Variants in NDUFS4 observed in about 807,000 individuals in gnomAD.
NDUFS4 encodes NADH:ubiquinone oxidoreductase subunit S4.
Under a neutral mutation model 24.3 loss-of-function variants are expected in NDUFS4, and 28 were observed. The observed-to-expected ratio is 1.15, with a 90% CI of 0.85 to 1.58. The LOEUF (loss-of-function observed/expected upper bound fraction) is 1.58. Ranked by LOEUF, NDUFS4 falls within the 40% of genes most tolerant of loss-of-function variation. The probability of loss-of-function intolerance (pLI) is 0.00; values close to 1 mark genes in which losing one functional copy is unlikely to be tolerated. For missense variants in NDUFS4, 223 were observed against 207.9 expected (o/e 1.07, Z -0.45); for synonymous variants, 93 against 69.7 (o/e 1.34, Z -1.67).
intron 1 of NDUFS4, among the ~76,000 whole-genome samples, chr5:53,577,948 A>G (rs1274582447): frequency 1.3e-5 from 2 of 152,062 alleles, no homozygotes; most frequent in East Asian, 3.9e-4. Context: ...ATGAGCATGT[A>G]TTTTCTCTTC....
chr5:53,605,413 T>C (rs1750467970), intron 2 of NDUFS4, among the ~76,000 whole-genome samples: 2 of 152,324 alleles, frequency 1.3e-5, no homozygotes, highest in Admixed American at 6.5e-5. Flanking sequence ...TTCTAAGTTC[T>C]CTTCTTTCTA....
In NDUFS4 at chr5:53,656,152, TTGGATC is replaced by T. The variant is rs1483253251; in HGVS notation, c.351-2397_351-2392del. On this transcript the variant is annotated intron_variant, in intron 3 of 4. Coordinates refer to ENST00000296684, the MANE Select transcript of NDUFS4 (RefSeq NM_002495.4). ...ACCTTATGGGAAACACCGTATAAAG[TTGGATC>T]TAAATCCAACTTTAGATTGGTTCCT... Among the ~76,000 whole-genome samples, 16 of 152,006 alleles carry T rather than the reference TTGGATC, an allele frequency of 1.1e-4. 1 individual carries two copies. The highest frequency in any genetic ancestry group is 3.9e-4 in the African/African-American group (16 of 41,396).
chr5:53,634,850 C>T (rs1579902180), intron 2 of NDUFS4, among the ~76,000 whole-genome samples: 1 of 151,920 alleles, frequency 6.6e-6, no homozygotes, highest in East Asian at 1.9e-4. Flanking sequence ...TTCTGAAAAG[C>T]TGCCAGGTAT....
At chr5:53,641,919 G>A (rs72753656) in intron 2 of NDUFS4, among the ~76,000 whole-genome samples, 14,044 of 151,996 alleles carry the variant, frequency 0.092, 773 homozygotes, top group Non-Finnish European at 0.13. Context: ...AATAGTCTGC[G>A]GTAGAACAAG....
rs150855132 is a variant in NDUFS4, at chr5:53,610,997, C to T, written c.177+7467C>T. On this transcript the variant is annotated intron_variant, in intron 2 of 4. Transcript: ENST00000296684. ...TCTCTTTTGTGTGCTGTTATCAAGT[C>T]GTGTTTCTTTTCATCCATCTTTAGT... Among the ~76,000 whole-genome samples, 22 of 152,096 alleles carry T rather than the reference C, an allele frequency of 1.4e-4. No individual in the cohort carries two copies. The East Asian group carries it at 4.1e-3, about 28-fold the overall frequency.
chr5:53,682,993 A>G (rs1387061155), intron 4 of NDUFS4, 125 bp from the exon 5 acceptor site: 2 of 772,096 alleles, frequency 2.6e-6, no homozygotes, highest in South Asian at 1.4e-5. Context: ...AGATGTGTTG[A>G]CATATACTCT....
intron 1 of NDUFS4, among the ~76,000 whole-genome samples, chr5:53,582,355 A>G (rs1749597530): frequency 6.6e-6 from 1 of 152,244 alleles, no homozygotes; most frequent in African/African-American, 2.4e-5. Flanking sequence ...GGCCAGAGCC[A>G]GCCCTGATAG....
intron 2 of NDUFS4, among the ~76,000 whole-genome samples, chr5:53,637,641 T>C (rs1464188237): frequency 6.6e-6 from 1 of 152,142 alleles, no homozygotes; most frequent in Non-Finnish European, 1.5e-5. Flanking sequence ...AGAATTTCCT[T>C]AAATCTGGAA....
Position 53,646,333 on chromosome 5 carries a change from A to G in NDUFS4, c.278A>G (p.Asn93Ser), listed in dbSNP as rs147734327. ...AATAACATGCAGTCTGGAGTAAACA[A>G]CACAAAGAAATGGAAGATGGAGTTT... Reference protein sequence around the residue: ...ARNNMQSGVNNTKKWKMEFDT... With the variant: ...ARNNMQSGVNSTKKWKMEFDT... Residue 93 changes from asparagine (N) to serine (S), a missense_variant, in exon 3 of 5, where the codon AAC (asparagine) becomes AGC (serine). Asn to Ser is a conservative substitution (Grantham distance 46). Transcript: ENST00000296684. 6.3e-5 allele frequency: 101 copies of G among 1,613,800 alleles called. No individual in the cohort carries two copies. The highest frequency in any genetic ancestry group is 8.1e-5 in the Non-Finnish European group (95 of 1,179,866).
Position 53,574,076 on chromosome 5 carries a change from T to C in NDUFS4, c.98+13316T>C, listed in dbSNP as rs1356307483. 2.6e-5 allele frequency among the ~76,000 whole-genome samples: 4 copies of C among 152,352 alleles called. No individual in the cohort carries two copies. In the South Asian group the frequency reaches 8.3e-4, roughly 32 times the overall value. On this transcript the variant is annotated intron_variant, in intron 1 of 4. Coordinates refer to ENST00000296684, the MANE Select transcript of NDUFS4 (RefSeq NM_002495.4). ...CCGTGAATAGGGAAATTTTGTTTCTTCCTTTCCAATCACTAGGTCTTTTAT... is the reference window on the plus strand; with the variant it reads ...CCGTGAATAGGGAAATTTTGTTTCTCCCTTTCCAATCACTAGGTCTTTTAT...
intron 2 of NDUFS4, among the ~76,000 whole-genome samples, chr5:53,623,799 A>G (rs375759310): frequency 1.7e-4 from 26 of 151,148 alleles, no homozygotes; most frequent in African/African-American, 6.3e-4. Flanking sequence ...GCTCACTACA[A>G]CCTCTGCCTC....
At chr5:53,663,548 A>T (rs1442010033) in intron 4 of NDUFS4, among the ~76,000 whole-genome samples, 3 of 152,152 alleles carry the variant, frequency 2.0e-5, no homozygotes, top group African/African-American at 4.8e-5. Flanking sequence ...TAGGATAGTT[A>T]GCTCTTCTCA....
At chr5:53,677,525 C>T (rs1260922814) in intron 4 of NDUFS4, among the ~76,000 whole-genome samples, 1 of 151,880 alleles carries the variant, frequency 6.6e-6, no homozygotes, top group African/African-American at 2.4e-5. Flanking sequence ...TGTACCCCAC[C>T]CCCATATTAT....
chr5:53,570,397 T>C (rs559291419), intron 1 of NDUFS4, among the ~76,000 whole-genome samples: 5 of 152,328 alleles, frequency 3.3e-5, no homozygotes, highest in African/African-American at 9.6e-5. Context: ...TATGTGGAGG[T>C]ACCACAGTTT....
chr5:53,670,918 T>C (rs1387777127), intron 4 of NDUFS4, among the ~76,000 whole-genome samples: 6 of 151,330 alleles, frequency 4.0e-5, no homozygotes, highest in Non-Finnish European at 8.9e-5. Flanking sequence ...TATATAGATA[T>C]ATGGAATAGA....
chr5:53,676,965 G>C (rs1740492961), intron 4 of NDUFS4, among the ~76,000 whole-genome samples: 1 of 152,088 alleles, frequency 6.6e-6, no homozygotes, highest in Non-Finnish European at 1.5e-5. Context: ...GCTTACTGAC[G>C]TTCCTGGTAT....
At chr5:53,582,103 T>C (rs924714198) in intron 1 of NDUFS4, among the ~76,000 whole-genome samples, 30 of 151,926 alleles carry the variant, frequency 2.0e-4, no homozygotes, top group Non-Finnish European at 1.8e-4. Flanking sequence ...CCCAGCTACT[T>C]GGGAGGCTGA....
intron 1 of NDUFS4, among the ~76,000 whole-genome samples, chr5:53,589,240 G>A (rs184773300): frequency 6.6e-5 from 10 of 152,292 alleles, no homozygotes; most frequent in South Asian, 6.2e-4. Context: ...TTAAATTCTC[G>A]TATGGTAGTC....
At chr5:53,668,092 G>A (rs933980933) in intron 4 of NDUFS4, among the ~76,000 whole-genome samples, 2 of 151,924 alleles carry the variant, frequency 1.3e-5, no homozygotes, top group Non-Finnish European at 2.9e-5. Flanking sequence ...AGGAAGTTAG[G>A]GTAAAACTGC....
Sources: allele counts gnomAD v4.1 joint callset (sites outside exome capture counted in the v4.1 genomes callset), GRCh38; gene constraint gnomAD v4.1.1; transcripts MANE v1.5; gene names NCBI Gene and HGNC (gene_info 2026-07-23, HGNC 2026-07-21).